Variants in KCNAB1 observed in about 807,000 individuals in gnomAD.
KCNAB1 encodes potassium voltage-gated channel subfamily A regulatory beta subunit 1.
KCNAB1 carries 35 observed loss-of-function variants against 64.6 expected under a neutral mutation model. The observed-to-expected ratio is 0.54, with a 90% confidence interval of 0.41 to 0.72. The LOEUF (loss-of-function observed/expected upper bound fraction) is 0.72, where lower values mean the gene tolerates loss of function less well. Ranked by LOEUF, KCNAB1 falls within the 30% of genes least tolerant of loss-of-function variation. The probability of loss-of-function intolerance (pLI) is 0.00; values close to 1 mark genes in which losing one functional copy is unlikely to be tolerated. For synonymous variants in KCNAB1, 177 were observed against 183.8 expected, an observed-to-expected ratio of 0.96 and a Z score of 0.30; for missense variants, 401 against 512.9, an observed-to-expected ratio of 0.78 and a Z score of 2.11.
At chr3:156,331,640 T>G (rs528816249) in intron 1 of KCNAB1, among the ~76,000 whole-genome samples, 1 of 152,282 alleles carries the variant, frequency 6.6e-6, no homozygotes, top group East Asian at 1.9e-4. Flanking sequence ...CAATGGCTTT[T>G]TTTTTAAATT....
At chr3:156,275,545 CT>C (rs1361927387) in intron 1 of KCNAB1, among the ~76,000 whole-genome samples, 1 of 152,202 alleles carries the variant, frequency 6.6e-6, no homozygotes, top group Non-Finnish European at 1.5e-5. Context: ...CACAATAGAA[CT>C]TCTTTGAAAA....
At chr3:156,515,834 T>C (rs1220873031) in intron 10 of KCNAB1, among the ~76,000 whole-genome samples, 1 of 152,174 alleles carries the variant, frequency 6.6e-6, no homozygotes, top group Non-Finnish European at 1.5e-5. Context: ...CAGAAGTTCA[T>C]ATGAGCAGGA....
At chr3:156,290,447 G>T (rs1319396512) in intron 1 of KCNAB1, among the ~76,000 whole-genome samples, 1 of 152,206 alleles carries the variant, frequency 6.6e-6, no homozygotes, top group East Asian at 1.9e-4. Context: ...TGTGAGAGGG[G>T]TTTGGTTTCC....
chr3:156,347,548 C>A (rs1388979393), intron 1 of KCNAB1, among the ~76,000 whole-genome samples: 1 of 152,084 alleles, frequency 6.6e-6, no homozygotes, highest in African/African-American at 2.4e-5. Flanking sequence ...AACTCATCCA[C>A]CAGTTAGCAC....
chr3:156,313,270 A>G (rs1722046771), intron 1 of KCNAB1, among the ~76,000 whole-genome samples: 2 of 152,192 alleles, frequency 1.3e-5, no homozygotes, highest in African/African-American at 4.8e-5. Context: ...AGTGTTCTGA[A>G]AACATTTCCT....
At chr3:156,450,274 A>T (rs770556111) in intron 2 of KCNAB1, among the ~76,000 whole-genome samples, 1 of 152,186 alleles carries the variant, frequency 6.6e-6, no homozygotes, top group Admixed American at 6.5e-5. Flanking sequence ...TGACCAATGC[A>T]TTCTACATCC....
intron 1 of KCNAB1, among the ~76,000 whole-genome samples, chr3:156,211,305 T>C (rs530465821): frequency 2.6e-5 from 4 of 152,370 alleles, no homozygotes; most frequent in South Asian, 2.1e-4. Flanking sequence ...TACTGCCTGA[T>C]GCATTCCAGC....
chr3:156,342,378 G>T (rs1724178339), intron 1 of KCNAB1, among the ~76,000 whole-genome samples: 1 of 152,012 alleles, frequency 6.6e-6, no homozygotes, highest in Non-Finnish European at 1.5e-5. Context: ...CTTCACGTGG[G>T]GTCTCCTTAT....
chr3:156,403,866 C>A (rs1714067083), intron 1 of KCNAB1, among the ~76,000 whole-genome samples: 1 of 150,466 alleles, frequency 6.6e-6, no homozygotes, highest in Non-Finnish European at 1.5e-5. Flanking sequence ...TGCACTCCAG[C>A]CTGGGTGACA....
At chr3:156,332,710 C>A (rs567367403) in intron 1 of KCNAB1, among the ~76,000 whole-genome samples, 19 of 152,180 alleles carry the variant, frequency 1.2e-4, no homozygotes, top group African/African-American at 4.3e-4. Flanking sequence ...GTTTTCTTTT[C>A]GAAAATATGA....
intron 1 of KCNAB1, among the ~76,000 whole-genome samples, chr3:156,319,938 G>A (rs1722542005): frequency 6.6e-6 from 1 of 152,150 alleles, no homozygotes; most frequent in African/African-American, 2.4e-5. Context: ...CTTTGATGAA[G>A]TCCAGTTTTA....
intron 1 of KCNAB1, among the ~76,000 whole-genome samples, chr3:156,256,697 C>A (rs1287753494): frequency 1.3e-5 from 2 of 151,930 alleles, no homozygotes; most frequent in Non-Finnish European, 2.9e-5. Context: ...TTTTTTTTAC[C>A]CCATGTGTGC....
intron 1 of KCNAB1, among the ~76,000 whole-genome samples, chr3:156,326,905 G>A (rs187622863): frequency 2.8e-4 from 42 of 151,970 alleles, no homozygotes; most frequent in African/African-American, 9.6e-4. Context: ...GGTCTTTTTT[G>A]TCTTCTCCCA....
intron 8 of KCNAB1, among the ~76,000 whole-genome samples, chr3:156,502,961 CTTTCAT>C (rs1185296137): frequency 1.3e-5 from 2 of 152,166 alleles, no homozygotes; most frequent in Non-Finnish European, 2.9e-5. Context: ...GATGGGTTTA[CTTTCAT>C]TTTGAGTGTT....
Position 156,504,748 on chromosome 3 carries a change from T to G in KCNAB1, c.659-9616T>G, listed in dbSNP as rs542026984. ...GATTACTTGTTTTGTTTTTGTTTTT[T>G]TTGTTTTTTTTTTTTTGCTGCTGAG... is the stretch of plus-strand genomic sequence containing the variant. On this transcript the variant is annotated intron_variant, in intron 8 of 13. Transcript: ENST00000490337. Among the ~76,000 whole-genome samples the G allele has an allele frequency of 7.3e-3, 965 of 132,208 alleles. 10 individuals carry two copies. Among genetic ancestry groups the G allele is most frequent in the Middle Eastern group, 0.036 (9 of 250 alleles). 86.7% of individuals were successfully genotyped at this position (132,208 alleles called of 152,430 possible).
At chr3:156,299,786 C>T (rs1427524980) in intron 1 of KCNAB1, among the ~76,000 whole-genome samples, 1 of 152,084 alleles carries the variant, frequency 6.6e-6, no homozygotes, top group African/African-American at 2.4e-5. Context: ...CTGGTCTAGC[C>T]CTCATGAGAA....
At chr3:156,483,753 T>A (rs925590408) in intron 8 of KCNAB1, among the ~76,000 whole-genome samples, 2 of 152,146 alleles carry the variant, frequency 1.3e-5, no homozygotes, top group African/African-American at 4.8e-5. Context: ...CTTCCAGGCC[T>A]GTTGAAAAAT....
intron 8 of KCNAB1, among the ~76,000 whole-genome samples, chr3:156,502,904 G>T (rs899260812): frequency 2.6e-5 from 4 of 152,122 alleles, no homozygotes; most frequent in Non-Finnish European, 4.4e-5. Context: ...AGGTTTGTTT[G>T]TTTGTTTAAA....
intron 1 of KCNAB1, among the ~76,000 whole-genome samples, chr3:156,280,931 C>G (rs1468729051): frequency 1.3e-5 from 2 of 148,558 alleles, no homozygotes; most frequent in Non-Finnish European, 3.0e-5. Flanking sequence ...TTGACTTCCT[C>G]TTTTCCTAAT....
Sources: gnomAD v4.1 joint callset for allele counts (sites outside exome capture counted in the v4.1 genomes callset) on GRCh38, gnomAD v4.1.1 for gene constraint, MANE v1.5 for transcripts, NCBI Gene and HGNC (gene_info 2026-07-23, HGNC 2026-07-21) for gene names.